The following MYO16 variants were observed in gnomAD, a reference collection of about 807,000 sequenced individuals.
The protein encoded by MYO16 is unconventional myosin-XVI.
MYO16 carries 94 observed loss-of-function variants against 205.3 expected under a neutral mutation model. The observed-to-expected ratio is 0.46, with a 90% CI of 0.39 to 0.54. The LOEUF is 0.54. MYO16 is among the 20% of genes least tolerant of loss of function. The pLI, the probability that MYO16 is intolerant of heterozygous loss-of-function variation, is 0.00. For missense variants in MYO16, 2,315 were observed against 2,387.5 expected, an observed-to-expected ratio of 0.97 and a Z score of 0.63; for synonymous variants, 988 against 954.0, an observed-to-expected ratio of 1.04 and a Z score of -0.66.
chr13:108,867,661 A>C (rs1878787774), intron 12 of MYO16, among the ~76,000 whole-genome samples: 1 of 152,206 alleles, frequency 6.6e-6, no homozygotes, highest in Non-Finnish European at 1.5e-5. Context: ...ATTTCTGTGA[A>C]TATGTGTATT....
chr13:108,606,432 C>T (rs557017471), intron 1 of MYO16, among the ~76,000 whole-genome samples: 1 of 152,306 alleles, frequency 6.6e-6, no homozygotes, highest in South Asian at 2.1e-4. Context: ...GCTGCTTCAG[C>T]TCCAGCCATG....
chr13:108,591,672 G>A (rs936538358), upstream of MYO16, among the ~76,000 whole-genome samples: 9 of 152,156 alleles, frequency 5.9e-5, no homozygotes, highest in Non-Finnish European at 1.3e-4. Context: ...GGGTTTTAAT[G>A]TTGTTGAGCC....
intron 1 of MYO16, among the ~76,000 whole-genome samples, chr13:108,639,663 G>A (rs1287196214): frequency 6.6e-6 from 1 of 152,192 alleles, no homozygotes; most frequent in East Asian, 1.9e-4. Flanking sequence ...TCCTAAAAGT[G>A]GAAAGTAAAG....
chr13:109,181,032 C>T (rs1445288726), intron 34 of MYO16, among the ~76,000 whole-genome samples: 1 of 152,208 alleles, frequency 6.6e-6, no homozygotes, highest in Non-Finnish European at 1.5e-5. Flanking sequence ...CAGGCCTGCC[C>T]CTGCAATGTG....
chr13:108,990,369 C>T (rs1022468601), intron 20 of MYO16, among the ~76,000 whole-genome samples: 7 of 152,056 alleles, frequency 4.6e-5, no homozygotes, highest in Non-Finnish European at 2.9e-5. Context: ...GTGATCAAAA[C>T]GAATGACACA....
chr13:108,798,952 G>A lies in MYO16; in HGVS notation c.741+5312G>A, dbSNP rs541443868. On this transcript the variant is annotated intron_variant, in intron 6 of 34. Coordinates refer to ENST00000457511, the MANE Select transcript of MYO16 (RefSeq NM_001198950.3). ...GATCTCCCGACCTCATGATCCACCCGCCTCGGCCTCCCAAAGTGCTGGGAT... is the reference window on the plus strand; with the variant it reads ...GATCTCCCGACCTCATGATCCACCCACCTCGGCCTCCCAAAGTGCTGGGAT... Among the ~76,000 whole-genome samples the A allele has an allele frequency of 4.7e-5, 7 of 148,704 alleles. No individual in the cohort carries two copies. In the East Asian group the frequency reaches 8.1e-4, roughly 17 times the overall value.
intron 34 of MYO16, among the ~76,000 whole-genome samples, chr13:109,184,248 GCT>G (rs1268312823): frequency 6.6e-6 from 1 of 152,020 alleles, no homozygotes; most frequent in Admixed American, 6.6e-5. Flanking sequence ...AGCACACAAA[GCT>G]CTTTCACACA....
At chr13:109,092,171 T>C (rs1718958830) in intron 27 of MYO16, among the ~76,000 whole-genome samples, 1 of 152,206 alleles carries the variant, frequency 6.6e-6, no homozygotes, top group South Asian at 2.1e-4. Context: ...GTAAAGCCAA[T>C]ATTTAACAAA....
chr13:108,982,918 G>A lies in MYO16; in HGVS notation c.2370-9458G>A, dbSNP rs531397763. Among the ~76,000 whole-genome samples the A allele has an allele frequency of 3.9e-5, 6 of 152,096 alleles. No individual in the cohort carries two copies. The South Asian group carries it at 8.3e-4, about 21-fold the overall frequency. On this transcript the variant is annotated intron_variant, in intron 20 of 34. Transcript: ENST00000457511. Reference sequence around the variant, plus strand: ...ACATCAGACCAATCCATACATTATAGCACTCCAAGACACCGTCAGTTTTCT... The same window carrying A: ...ACATCAGACCAATCCATACATTATAACACTCCAAGACACCGTCAGTTTTCT...
At chr13:109,073,041 T>C (rs1203522923) in intron 27 of MYO16, among the ~76,000 whole-genome samples, 4 of 152,204 alleles carry the variant, frequency 2.6e-5, no homozygotes, top group Admixed American at 2.6e-4. Flanking sequence ...AAGATACATT[T>C]CAATTTTCTA....
Position 109,162,037 on chromosome 13 carries a change from C to T in MYO16, c.5165-2864C>T, listed in dbSNP as rs879822469. Among the ~76,000 whole-genome samples, 7 of 152,202 alleles carry T rather than the reference C, an allele frequency of 4.6e-5. No homozygotes were observed. The highest frequency in any genetic ancestry group is 3.2e-3 in the Middle Eastern group (1 of 316). On this transcript the variant is annotated intron_variant, in intron 32 of 34. Transcript: ENST00000457511. This position sits in a 1 kb window ranked among gnomAD's most constrained non-coding sequence, Gnocchi z 4.6. ...GGCAGAGGTTGCAGGGAGCTGAGAT[C>T]GTGCCACTGCCCTCCAGCCTGGGCA...
chr13:108,688,839 C>T (rs980820479), intron 2 of MYO16, among the ~76,000 whole-genome samples: 1 of 152,148 alleles, frequency 6.6e-6, no homozygotes, highest in Admixed American at 6.6e-5. Flanking sequence ...ACAAAAGTCA[C>T]ACAGTGTTTT....
Position 109,207,349 on chromosome 13 carries a change from T to G in MYO16, c.*513T>G, listed in dbSNP as rs1880646561. 1 of 152,236 alleles carries G rather than the reference T, an allele frequency of 6.6e-6. No homozygotes were observed. Among genetic ancestry groups the G allele is most frequent in the Non-Finnish European group, 1.5e-5 (1 of 68,060 alleles). 9.4% of individuals were successfully genotyped at this position (152,236 alleles called of 1,614,324 possible). On this transcript the variant is annotated 3_prime_UTR_variant, in exon 35 of 35. Transcript: ENST00000457511. ...TGTTTATTACTGTAATTTTATAAAT[T>G]TATGCAATTGGTGGTGCTTCCTTTC... is the stretch of plus-strand genomic sequence containing the variant.
intron 9 of MYO16, among the ~76,000 whole-genome samples, 191 bp from the exon 10 acceptor site, chr13:108,844,152 G>A (rs1877388835): frequency 6.6e-6 from 1 of 152,026 alleles, no homozygotes; most frequent in South Asian, 2.1e-4. Context: ...TAAAATTAAA[G>A]TTGAATAAAG....
At position 109,008,977 on chromosome 13, in the gene MYO16, A is replaced by G. The variant is rs1885500754; in HGVS notation, c.2523A>G (p.Val841=). 1 of 1,612,090 alleles carries G rather than the reference A, an allele frequency of 6.2e-7. No homozygotes were observed. Among genetic ancestry groups the G allele is most frequent in the African/African-American group, 1.3e-5 (1 of 74,882 alleles). Residue 841 remains valine, a synonymous_variant, in exon 22 of 35, where the codon GTA becomes GTG. Coordinates refer to ENST00000457511, the MANE Select transcript of MYO16 (RefSeq NM_001198950.3). The stretch of plus-strand genomic sequence containing the variant: ...TTCTCCACGAGCAAGTGGAATGTGT[A>G]CAAGAGGGAGTTACCATGGAAACAG... ...VLFLHEQVEC[V]QEGVTMETAY...
At chr13:108,847,600 CTCTT>C (rs1179781434) in intron 10 of MYO16, among the ~76,000 whole-genome samples, 1 of 152,198 alleles carries the variant, frequency 6.6e-6, no homozygotes, top group Non-Finnish European at 1.5e-5. Context: ...CTTTGCATCT[CTCTT>C]TCCAGATTTT....
intron 13 of MYO16, 140 bp from the exon 14 acceptor site, chr13:108,888,232 C>G (rs148663508): frequency 3.5e-6 from 2 of 568,070 alleles, no homozygotes; most frequent in African/African-American, 3.8e-5. Flanking sequence ...ATGTGCCATT[C>G]CCTCCTCATT....
At chr13:109,033,004 G>A (rs1886592783) in intron 23 of MYO16, among the ~76,000 whole-genome samples, 1 of 152,050 alleles carries the variant, frequency 6.6e-6, no homozygotes, top group South Asian at 2.1e-4. Flanking sequence ...ATCTTAGCTA[G>A]GTAAGAGTAA....
chr13:108,785,976 G>A (rs991803552), intron 5 of MYO16, among the ~76,000 whole-genome samples: 1 of 152,196 alleles, frequency 6.6e-6, no homozygotes, highest in Non-Finnish European at 1.5e-5. Context: ...AACAATGAAG[G>A]GACATTTTAA....
Sources: allele counts gnomAD v4.1 joint callset (sites outside exome capture counted in the v4.1 genomes callset), GRCh38; gene constraint gnomAD v4.1.1; non-coding constraint Gnocchi (gnomAD v3.1); transcripts MANE v1.5; gene names NCBI Gene and HGNC (gene_info 2026-07-23, HGNC 2026-07-21).